Variants in GALNTL6 observed in about 807,000 individuals in gnomAD.
GALNTL6 encodes polypeptide N-acetylgalactosaminyltransferase like 6.
A neutral mutation model predicts 73.7 loss-of-function variants in GALNTL6; 46 were observed. That is an observed-to-expected ratio of 0.62 (90% CI 0.49 to 0.80). The LOEUF (loss-of-function observed/expected upper bound fraction) is 0.80. Among genes scored for constraint, GALNTL6 ranks in the 30% least tolerant of loss-of-function variants. The pLI, the probability that GALNTL6 is intolerant of heterozygous loss-of-function variation, is 0.00. For missense variants in GALNTL6, 604 were observed against 755.0 expected, an observed-to-expected ratio of 0.80 and a Z score of 2.34; for synonymous variants, 259 against 263.7, an observed-to-expected ratio of 0.98 and a Z score of 0.17.
chr4:172,900,019 A>G (rs988734408), intron 8 of GALNTL6, among the ~76,000 whole-genome samples: 1 of 152,116 alleles, frequency 6.6e-6, no homozygotes, highest in African/African-American at 2.4e-5. Flanking sequence ...TCTTGTGCAG[A>G]CTTCCCATAT....
chr4:172,071,566 A>G (rs1321012006), intron 2 of GALNTL6, among the ~76,000 whole-genome samples: 1 of 110,598 alleles, frequency 9.0e-6, no homozygotes, highest in Non-Finnish European at 2.0e-5. Flanking sequence ...ATTGGGTTCC[A>G]CATTTAGTGT....
chr4:172,147,687 A>G (rs1235242573), intron 2 of GALNTL6, among the ~76,000 whole-genome samples: 3 of 152,206 alleles, frequency 2.0e-5, no homozygotes, highest in African/African-American at 7.2e-5. Flanking sequence ...CTGGAAAAAT[A>G]GAATAGACAG....
chr4:172,494,859 G>A (rs1266833790), intron 5 of GALNTL6, among the ~76,000 whole-genome samples: 2 of 152,170 alleles, frequency 1.3e-5, no homozygotes, highest in Admixed American at 6.5e-5. Flanking sequence ...CACCCGTATT[G>A]AGGGTGGGTC....
At position 172,282,188 on chromosome 4, in the gene GALNTL6, A is replaced by G. The variant is rs186899810; in HGVS notation, c.248-29426A>G. On this transcript the variant is annotated intron_variant, in intron 3 of 12. Transcript: ENST00000506823. The stretch of plus-strand genomic sequence containing the variant: ...GGAACTCCTACAAATCAGTATGAAA[A>G]CAATAGATAATCCCAGAGAAAATAG... Among the ~76,000 whole-genome samples, 93 of 152,300 alleles carry G rather than the reference A, an allele frequency of 6.1e-4. 2 individuals carry two copies. Among genetic ancestry groups the G allele is most frequent in the Admixed American group, 6.1e-3 (93 of 15,298 alleles).
At chr4:172,301,013 G>T (rs1006817767) in intron 3 of GALNTL6, among the ~76,000 whole-genome samples, 1 of 152,154 alleles carries the variant, frequency 6.6e-6, no homozygotes, top group African/African-American at 2.4e-5. Flanking sequence ...CCAATCAGAC[G>T]TAGATTTGGT....
chr4:172,575,193 A>C (rs1018065392), intron 5 of GALNTL6, among the ~76,000 whole-genome samples: 5 of 152,176 alleles, frequency 3.3e-5, no homozygotes, highest in African/African-American at 1.2e-4. Flanking sequence ...AACTCCAGAA[A>C]CAGCTTTGAA....
At chr4:172,117,059 C>A (rs567975621) in intron 2 of GALNTL6, among the ~76,000 whole-genome samples, 1 of 152,152 alleles carries the variant, frequency 6.6e-6, no homozygotes, top group African/African-American at 2.4e-5. Flanking sequence ...TATTAGTGCA[C>A]TGCCACTAAA....
chr4:172,912,588 G>A (rs756930157), intron 8 of GALNTL6, among the ~76,000 whole-genome samples: 1 of 152,090 alleles, frequency 6.6e-6, no homozygotes, highest in Non-Finnish European at 1.5e-5. Flanking sequence ...GGCTCACCAG[G>A]TCCCACGCCC....
intron 5 of GALNTL6, among the ~76,000 whole-genome samples, chr4:172,459,726 A>G (rs548442625): frequency 2.6e-4 from 39 of 152,300 alleles, no homozygotes; most frequent in African/African-American, 8.9e-4. Context: ...ACTCAAACAA[A>G]TGGAAAACAT....
rs545580244 is a variant in GALNTL6 at position 172,951,507 on chromosome 4, A to T, written c.1150-530A>T. 7.9e-4 allele frequency among the ~76,000 whole-genome samples: 121 copies of T among 152,386 alleles called. No individual in the cohort carries two copies. The South Asian group carries it at 0.024, about 31-fold the overall frequency. On this transcript the variant is annotated intron_variant, in intron 9 of 12. Transcript: ENST00000506823. ...AGTAAAGTACTAATTTCTGATTGATATCTGTGTTGCACACATAGAACATCA... is the reference window on the plus strand; with the variant it reads ...AGTAAAGTACTAATTTCTGATTGATTTCTGTGTTGCACACATAGAACATCA...
chr4:173,040,085 C>G lies in GALNTL6; in HGVS notation c.1791C>G (p.His597Gln). The G allele has an allele frequency of 6.2e-7, 1 of 1,610,922 alleles. No homozygotes were observed. The highest frequency in any genetic ancestry group is 1.1e-5 in the South Asian group (1 of 90,702). The part of the protein sequence containing the change: ...INMTVLEKFN[H>Q]HANS ...TGACTGTTTTAGAAAAATTTAACCACCATGCCAACTCCTAGAAAGAAGAAA... is the reference window on the plus strand; with the variant it reads ...TGACTGTTTTAGAAAAATTTAACCAGCATGCCAACTCCTAGAAAGAAGAAA... The change falls in exon 13 of 13, where the codon CAC (histidine) becomes CAG (glutamine). Residue 597 changes from histidine to glutamine, a missense_variant. Transcript: ENST00000506823.
At chr4:172,073,030 C>T (rs547060716) in intron 2 of GALNTL6, among the ~76,000 whole-genome samples, 6 of 152,106 alleles carry the variant, frequency 3.9e-5, no homozygotes, top group Admixed American at 3.3e-4. Flanking sequence ...TTGCTTTTCA[C>T]GAAATACAAT....
intron 2 of GALNTL6, among the ~76,000 whole-genome samples, chr4:172,101,498 T>TA (rs1442189915): frequency 1.3e-5 from 2 of 152,186 alleles, no homozygotes; most frequent in African/African-American, 4.8e-5. Context: ...AATAAATGCT[T>TA]ACTGGTATCT....
chr4:172,699,183 C>T (rs1579356635), intron 5 of GALNTL6, among the ~76,000 whole-genome samples: 1 of 152,204 alleles, frequency 6.6e-6, no homozygotes, highest in East Asian at 1.9e-4. Flanking sequence ...ATGACTTAAT[C>T]ACTTCCCAAG....
At chr4:172,092,748 C>T (rs1316802304) in intron 2 of GALNTL6, among the ~76,000 whole-genome samples, 1 of 151,898 alleles carries the variant, frequency 6.6e-6, no homozygotes, top group African/African-American at 2.4e-5. Flanking sequence ...TTTTTCTACC[C>T]CTACCTTTTT....
Position 172,797,838 on chromosome 4 carries a change from C to T in GALNTL6, c.554-11523C>T, listed in dbSNP as rs553165528. On this transcript the variant is annotated intron_variant, in intron 5 of 12. Transcript: ENST00000506823. ...ACAGACATGAGCCACCACACCTGGC[C>T]GTTTTTGTTTGTTTTTTGTCTCTCC... is the stretch of plus-strand genomic sequence containing the variant. Among the ~76,000 whole-genome samples the T allele has an allele frequency of 2.0e-4, 30 of 152,246 alleles. 1 individual carries two copies. The South Asian group carries it at 5.0e-3, about 25-fold the overall frequency.
intron 2 of GALNTL6, among the ~76,000 whole-genome samples, chr4:172,014,979 C>T (rs1017758704): frequency 6.6e-6 from 1 of 151,978 alleles, no homozygotes; most frequent in Non-Finnish European, 1.5e-5. Context: ...ATCATATTAT[C>T]TATGTTGGAA....
intron 2 of GALNTL6, among the ~76,000 whole-genome samples, chr4:172,182,726 T>G (rs1735292381): frequency 6.6e-6 from 1 of 151,934 alleles, no homozygotes; most frequent in South Asian, 2.1e-4. Context: ...TAAATACATT[T>G]TTTAAATGTG....
At chr4:172,237,569 C>G (rs1340380035) in intron 3 of GALNTL6, among the ~76,000 whole-genome samples, 1 of 152,102 alleles carries the variant, frequency 6.6e-6, no homozygotes, top group Non-Finnish European at 1.5e-5. Context: ...GTTTTCTTTG[C>G]TGTGCAGAAG....
Sources: allele counts gnomAD v4.1 joint callset (sites outside exome capture counted in the v4.1 genomes callset), GRCh38; gene constraint gnomAD v4.1.1; transcripts MANE v1.5; gene names NCBI Gene and HGNC (gene_info 2026-07-23, HGNC 2026-07-21).